Variants in WDR7 observed in about 807,000 individuals in gnomAD.
WDR7 encodes WD repeat domain 7, also known as WD repeat-containing protein 7.
A neutral mutation model predicts 169.4 loss-of-function variants in WDR7; 46 were observed. The observed-to-expected ratio is 0.27, with a 90% CI of 0.21 to 0.35. The LOEUF is 0.35. Among genes scored for constraint, WDR7 ranks in the 10% least tolerant of loss-of-function variants. The pLI, the probability that WDR7 is intolerant of heterozygous loss-of-function variation, is 1.00. For missense variants in WDR7, 1,534 were observed against 1,859.3 expected (o/e 0.83, Z 3.22); for synonymous variants, 612 against 666.8 (o/e 0.92, Z 1.27).
chr18:56,909,615 C>T (rs1324558492), intron 21 of WDR7, among the ~76,000 whole-genome samples: 1 of 151,934 alleles, frequency 6.6e-6, no homozygotes, highest in African/African-American at 2.4e-5. Flanking sequence ...TTATATATAA[C>T]ATAAGAAGTG....
At chr18:56,825,381 C>T (rs1303895588) in intron 20 of WDR7, among the ~76,000 whole-genome samples, 1 of 152,198 alleles carries the variant, frequency 6.6e-6, no homozygotes, top group Non-Finnish European at 1.5e-5. Context: ...AAAGTAATAA[C>T]TATCTCAATG....
intron 26 of WDR7, among the ~76,000 whole-genome samples, chr18:56,968,984 CATT>C (rs372313819): frequency 4.6e-5 from 7 of 152,296 alleles, no homozygotes; most frequent in African/African-American, 1.2e-4. Context: ...AAAATCCACA[CATT>C]ATTATTGATA....
At chr18:56,725,062 A>G (rs555562655) in intron 13 of WDR7, among the ~76,000 whole-genome samples, 1 of 151,362 alleles carries the variant, frequency 6.6e-6, no homozygotes, top group Non-Finnish European at 1.5e-5. Flanking sequence ...ATTGTTGGAC[A>G]TTTGAGTTGG....
intron 1 of WDR7, among the ~76,000 whole-genome samples, chr18:56,658,558 G>C (rs2024829414): frequency 6.6e-6 from 1 of 152,184 alleles, no homozygotes; most frequent in South Asian, 2.1e-4. Context: ...GATAGAGTGA[G>C]CCAGTTACCT....
intron 20 of WDR7, among the ~76,000 whole-genome samples, chr18:56,847,924 C>G (rs549771636): frequency 6.6e-6 from 1 of 152,350 alleles, no homozygotes; most frequent in African/African-American, 2.4e-5. Flanking sequence ...CCACGGGGCA[C>G]AGTCCCTGCA....
rs185462254 is a variant in WDR7, at chr18:56,765,447, G to A, written c.2848+6494G>A. ...TAGAGTCTGTAGTCTATGTCTTTCCGTTATCACAGTGTACATTCAAGTGCT... is the reference window on the plus strand; with the variant it reads ...TAGAGTCTGTAGTCTATGTCTTTCCATTATCACAGTGTACATTCAAGTGCT... On this transcript the variant is annotated intron_variant, in intron 16 of 27. Coordinates refer to ENST00000254442, the MANE Select transcript of WDR7 (RefSeq NM_015285.3). 6.0e-3 allele frequency among the ~76,000 whole-genome samples: 909 copies of A among 151,178 alleles called. 5 individuals carry two copies. Among genetic ancestry groups the A allele is most frequent in the Non-Finnish European group, 0.011 (719 of 67,766 alleles).
At chr18:56,709,993 T>C (rs2026047043) in intron 12 of WDR7, among the ~76,000 whole-genome samples, 1 of 145,736 alleles carries the variant, frequency 6.9e-6, no homozygotes, top group African/African-American at 2.6e-5. Context: ...ACAATTTATA[T>C]ATATATATAG....
chr18:56,907,169 T>C (rs992706025), intron 21 of WDR7, among the ~76,000 whole-genome samples: 1 of 152,230 alleles, frequency 6.6e-6, no homozygotes, highest in Non-Finnish European at 1.5e-5. Flanking sequence ...GTTTCCTTTA[T>C]TTTGGTAAAA....
chr18:56,771,992 T>C (rs2044169616), intron 16 of WDR7, among the ~76,000 whole-genome samples: 1 of 139,878 alleles, frequency 7.1e-6, no homozygotes, highest in Non-Finnish European at 1.5e-5. Context: ...GACCAGGTGG[T>C]TGAAGCTGCA....
chr18:56,900,177 T>A (rs1036112698), intron 21 of WDR7, among the ~76,000 whole-genome samples: 1 of 151,508 alleles, frequency 6.6e-6, no homozygotes, highest in Non-Finnish European at 1.5e-5. Context: ...AATTTTATCT[T>A]GTCATCTATA....
At chr18:56,958,316 A>G (rs1230247829) in intron 25 of WDR7, among the ~76,000 whole-genome samples, 1 of 152,150 alleles carries the variant, frequency 6.6e-6, no homozygotes, top group African/African-American at 2.4e-5. Flanking sequence ...CTCCACAATA[A>G]CGTGTTCTAG....
intron 14 of WDR7, among the ~76,000 whole-genome samples, chr18:56,749,045 C>A (rs1030679564): frequency 6.6e-6 from 1 of 151,458 alleles, no homozygotes; most frequent in Non-Finnish European, 1.5e-5. Context: ...AGGTTTTTCC[C>A]TTAGCTATTT....
intron 20 of WDR7, among the ~76,000 whole-genome samples, chr18:56,843,319 A>C (rs1334533765): frequency 1.3e-5 from 2 of 152,210 alleles, no homozygotes; most frequent in East Asian, 3.8e-4. Flanking sequence ...TCGTTCTCCG[A>C]AACTTTTTCA....
At chr18:56,760,812 G>A (rs185124748) in intron 16 of WDR7, among the ~76,000 whole-genome samples, 10 of 152,128 alleles carry the variant, frequency 6.6e-5, no homozygotes, top group African/African-American at 1.2e-4. Context: ...AATATTAAGC[G>A]TTGACTAGGA....
intron 21 of WDR7, among the ~76,000 whole-genome samples, chr18:56,918,038 A>C (rs1308739952): frequency 6.6e-6 from 1 of 152,166 alleles, no homozygotes; most frequent in African/African-American, 2.4e-5. Context: ...TCTGCTTTTT[A>C]AAGGATTTTG....
chr18:56,711,200 T>C (rs1191907532), intron 12 of WDR7, among the ~76,000 whole-genome samples: 1 of 152,042 alleles, frequency 6.6e-6, no homozygotes, highest in Non-Finnish European at 1.5e-5. Flanking sequence ...TCAGTTTTTA[T>C]GTAATCAAAT....
At chr18:56,659,908 G>T (rs746700892) in intron 1 of WDR7, among the ~76,000 whole-genome samples, 13 of 152,046 alleles carry the variant, frequency 8.6e-5, no homozygotes, top group Non-Finnish European at 1.8e-4. Context: ...CTGCAGGGGA[G>T]CAAAGATGGA....
Position 57,027,152 on chromosome 18 carries a change from A to C in WDR7, c.4418A>C (p.Asn1473Thr). Residue 1473 changes from asparagine to threonine, a missense_variant, in exon 28 of 28, where the codon AAC becomes ACC. Coordinates refer to ENST00000254442, the MANE Select transcript of WDR7 (RefSeq NM_015285.3). ...LKLARLIWTS[N>T]RNVILMAHDG... ...CTGGCCCGGCTCATCTGGACTTCCA[A>C]CCGCAACGTCATCCTCATGGCCCAT... 6.2e-7 allele frequency: 1 copy of C among 1,614,078 alleles called. No individual in the cohort carries two copies. The highest frequency in any genetic ancestry group is 8.5e-7 in the Non-Finnish European group (1 of 1,179,998).
intron 7 of WDR7, among the ~76,000 whole-genome samples, chr18:56,690,391 T>C (rs1357481667): frequency 1.3e-5 from 2 of 152,196 alleles, no homozygotes; most frequent in Non-Finnish European, 2.9e-5. Context: ...GAATTTTATA[T>C]GTGAAAATTA....
Sources: gnomAD v4.1 joint callset for allele counts (sites outside exome capture counted in the v4.1 genomes callset) on GRCh38, gnomAD v4.1.1 for gene constraint, MANE v1.5 for transcripts, NCBI Gene and HGNC (gene_info 2026-07-23, HGNC 2026-07-21) for gene names.